The following GALNT11 variants were observed in gnomAD, a reference collection of about 807,000 sequenced individuals.
The protein encoded by GALNT11 is UDP-GalNAc:polypeptide N-acetylgalactosaminyltransferase 11.
In GALNT11, 47 loss-of-function variants were observed where a neutral mutation model predicts 72.7. The ratio of observed to expected loss-of-function variants is 0.65; its 90% CI spans 0.51 to 0.82. The LOEUF is 0.82. Among genes scored for constraint, GALNT11 ranks in the 40% least tolerant of loss-of-function variants. The pLI is 0.00. For synonymous variants in GALNT11, 270 were observed against 286.6 expected (o/e 0.94, Z 0.58); for missense variants, 677 against 778.4 (o/e 0.87, Z 1.55).
At chr7:152,103,057 C>CT in intron 3 of GALNT11, 55 bp from the exon 4 acceptor site, 1 of 1,501,902 alleles carries the variant, frequency 6.7e-7, no homozygotes. Flanking sequence ...GAATAATAAT[C>CT]TAAACCATTC....
intron 2 of GALNT11, among the ~76,000 whole-genome samples, chr7:152,098,644 T>A (rs904878838): frequency 3.3e-5 from 5 of 152,178 alleles, no homozygotes; most frequent in African/African-American, 1.2e-4. Context: ...TTCTTTCATG[T>A]TCTGATACTT....
intron 6 of GALNT11, among the ~76,000 whole-genome samples, chr7:152,108,918 C>CT (rs2087875011): frequency 6.6e-6 from 1 of 152,172 alleles, no homozygotes; most frequent in Non-Finnish European, 1.5e-5. Context: ...AAAATTGGTA[C>CT]TTTCTCCAAA....
intron 1 of GALNT11, among the ~76,000 whole-genome samples, chr7:152,090,549 G>A (rs113948732): frequency 9.2e-5 from 14 of 152,232 alleles, no homozygotes; most frequent in African/African-American, 2.4e-4. Flanking sequence ...TAGTTACTTC[G>A]TTACCATTGG....
chr7:152,038,408 G>A (rs146724206), intron 1 of GALNT11, among the ~76,000 whole-genome samples: 8 of 152,304 alleles, frequency 5.3e-5, no homozygotes, highest in East Asian at 1.9e-4. Context: ...GGCCCAGATC[G>A]CTTATGCTAT....
chr7:152,059,095 T>TTTG (rs1047594892), intron 1 of GALNT11, among the ~76,000 whole-genome samples: 2 of 152,228 alleles, frequency 1.3e-5, no homozygotes, highest in East Asian at 1.9e-4. Flanking sequence ...TGAATGGGTT[T>TTTG]TTGTTGTTGT....
intron 2 of GALNT11, among the ~76,000 whole-genome samples, chr7:152,096,104 T>C (rs2086353660): frequency 6.6e-6 from 1 of 152,180 alleles, no homozygotes; most frequent in South Asian, 2.1e-4. Context: ...TGTAAAACAT[T>C]GCTGAAAGAA....
intron 1 of GALNT11, among the ~76,000 whole-genome samples, chr7:152,046,938 A>T (rs1440332790): frequency 6.6e-6 from 1 of 151,934 alleles, no homozygotes; most frequent in Non-Finnish European, 1.5e-5. Flanking sequence ...AATTTCTTGC[A>T]TTTTATTTTT....
intron 1 of GALNT11, among the ~76,000 whole-genome samples, chr7:152,034,095 CT>C (rs2082438208): frequency 6.6e-6 from 1 of 152,186 alleles, no homozygotes; most frequent in African/African-American, 2.4e-5. Context: ...CAAATTCCCT[CT>C]CCCTACAACT....
chr7:152,069,991 C>T (rs1220713133), intron 1 of GALNT11, among the ~76,000 whole-genome samples: 2 of 141,106 alleles, frequency 1.4e-5, no homozygotes, highest in African/African-American at 6.1e-5. Flanking sequence ...TTTCTTTTTT[C>T]TTTTTCTTTT....
At chr7:152,045,200 G>T (rs1255021003) in intron 1 of GALNT11, among the ~76,000 whole-genome samples, 1 of 151,978 alleles carries the variant, frequency 6.6e-6, no homozygotes, top group African/African-American at 2.4e-5. Context: ...ATTTTGTTGA[G>T]GATTTTTTTT....
chr7:152,089,306 T>C (rs1243945663), intron 1 of GALNT11, among the ~76,000 whole-genome samples: 1 of 152,234 alleles, frequency 6.6e-6, no homozygotes, highest in East Asian at 1.9e-4. Context: ...AGGTTTGTTA[T>C]ATGTAAAATG....
At chr7:152,062,253 C>T (rs905997955) in intron 1 of GALNT11, among the ~76,000 whole-genome samples, 7 of 152,230 alleles carry the variant, frequency 4.6e-5, no homozygotes, top group South Asian at 4.1e-4. Flanking sequence ...TGGGAGTTCA[C>T]GCATGATTTG....
At chr7:152,090,088 G>C (rs1450977380) in intron 1 of GALNT11, among the ~76,000 whole-genome samples, 1 of 152,136 alleles carries the variant, frequency 6.6e-6, no homozygotes, top group Admixed American at 6.5e-5. Context: ...ATCAAGGAAA[G>C]GGGCTAGTTA....
chr7:152,100,452 G>A, intron 2 of GALNT11, among the ~76,000 whole-genome samples: 1 of 151,958 alleles, frequency 6.6e-6, no homozygotes, highest in Admixed American at 6.5e-5. Flanking sequence ...TGTAATCCCA[G>A]CTACTCGGGA....
chr7:152,055,649 T>C (rs2083638093), intron 1 of GALNT11, among the ~76,000 whole-genome samples: 1 of 151,786 alleles, frequency 6.6e-6, no homozygotes, highest in Non-Finnish European at 1.5e-5. Flanking sequence ...AAATTAAATA[T>C]TTCTCAAAAA....
intron 1 of GALNT11, among the ~76,000 whole-genome samples, chr7:152,036,287 G>A (rs1306694986): frequency 6.6e-6 from 1 of 152,024 alleles, no homozygotes; most frequent in Non-Finnish European, 1.5e-5. Flanking sequence ...CTCTCTCCGT[G>A]AGTTCAATTG....
In GALNT11 at chr7:152,094,508, T is replaced by A; in HGVS notation, c.281T>A (p.Phe94Tyr). 6.2e-7 allele frequency: 1 copy of A among 1,610,182 alleles called. No individual in the cohort carries two copies. The highest frequency in any genetic ancestry group is 8.5e-7 in the Non-Finnish European group (1 of 1,177,652). The part of the protein sequence containing the change: ...VEDPEEGHLK[F>Y]SSELGMIFNE... ...GATCCAGAAGAAGGCCACTTGAAAT[T>A]CTCTTCTGAATTAGGTAAGTATATG... Residue 94 changes from phenylalanine (F) to tyrosine (Y), a missense_variant, in exon 2 of 12, where the codon TTC becomes TAC. Transcript: ENST00000430044. This position sits in a 1 kb window ranked among gnomAD's most constrained non-coding sequence, Gnocchi z 4.3.
intron 1 of GALNT11, among the ~76,000 whole-genome samples, chr7:152,062,725 G>C (rs961306448): frequency 6.6e-5 from 10 of 152,180 alleles, no homozygotes; most frequent in African/African-American, 2.4e-4. Context: ...TGAGATAATC[G>C]TGTGGTTTTT....
rs1189495113 is a variant in GALNT11, at chr7:152,103,270, G to A, written c.578G>A (p.Ser193Asn). Residue 193 changes from serine to asparagine, a missense_variant, in exon 4 of 12, where the codon AGT becomes AAT. Ser to Asn is a conservative substitution (Grantham distance 46). Coordinates refer to ENST00000430044, the MANE Select transcript of GALNT11 (RefSeq NM_022087.4). Reference sequence around the variant, plus strand: ...GAGATCATCCTTGTGGATGATGATAGTGACTTTGGTAAGGAATGCTGCACC... The same window carrying A: ...GAGATCATCCTTGTGGATGATGATAATGACTTTGGTAAGGAATGCTGCACC... Reference protein sequence around the residue: ...LHEIILVDDDSDFDDLKGELD... With the variant: ...LHEIILVDDDNDFDDLKGELD... 6.2e-7 allele frequency: 1 copy of A among 1,612,302 alleles called. No individual in the cohort carries two copies. The highest frequency in any genetic ancestry group is 8.5e-7 in the Non-Finnish European group (1 of 1,178,588).
Sources: allele counts gnomAD v4.1 joint callset (sites outside exome capture counted in the v4.1 genomes callset), GRCh38; gene constraint gnomAD v4.1.1; non-coding constraint Gnocchi (gnomAD v3.1); transcripts MANE v1.5; gene names NCBI Gene and HGNC (gene_info 2026-07-23, HGNC 2026-07-21).